The following HOXA4 variants were observed in gnomAD, a reference collection of about 807,000 sequenced individuals.
HOXA4 encodes the protein homeobox protein Hox-A4.
In HOXA4, 31 loss-of-function variants were observed where a neutral mutation model predicts 25.3. The ratio of observed to expected loss-of-function variants is 1.22; its 90% CI spans 0.92 to 1.65. The LOEUF is 1.65. Among genes scored for constraint, HOXA4 ranks in the 40% most tolerant of loss-of-function variants. The pLI, the probability that HOXA4 is intolerant of heterozygous loss-of-function variation, is 0.00. For synonymous variants in HOXA4, 225 were observed against 207.7 expected, an observed-to-expected ratio of 1.08 and a Z score of -0.72; for missense variants, 459 against 446.0, an observed-to-expected ratio of 1.03 and a Z score of -0.26.
chr7:27,128,993 G>T lies in HOXA4; in HGVS notation c.*232C>A. ...TCCACACCTGGCAGCCTTGTTTCGG[G>T]CCAGCAGGTTGTTCCACCAGCCAGC... On this transcript the variant is annotated 3_prime_UTR_variant, in exon 2 of 2. Coordinates refer to ENST00000360046, the MANE Select transcript of HOXA4 (RefSeq NM_002141.5). The T allele has an allele frequency of 1.7e-6, 1 of 586,962 alleles. No individual in the cohort carries two copies. Among genetic ancestry groups the T allele is most frequent in the South Asian group, 2.0e-5 (1 of 49,328 alleles). 36.4% of individuals were successfully genotyped at this position (586,962 alleles called of 1,614,324 possible). A position where few individuals can be genotyped will look rare whatever the true frequency, so the allele number is the denominator to read the frequency against.
chr7:27,130,293 G>T lies in HOXA4; in HGVS notation c.441C>A (p.Arg147=). The change falls in exon 1 of 2, where the codon CGC becomes CGA. Residue 147 remains arginine, a synonymous_variant. Coordinates refer to ENST00000360046, the MANE Select transcript of HOXA4 (RefSeq NM_002141.5). ...QPQLPPPLQP[R]AVPPAAPRRC... Reference sequence around the variant, plus strand: ...GCCGCGGGGCCGCTGGGGGCACGGCGCGAGGCTGCAGGGGCGGCGGCAGCT... The same window carrying T: ...GCCGCGGGGCCGCTGGGGGCACGGCTCGAGGCTGCAGGGGCGGCGGCAGCT... The T allele has an allele frequency of 9.1e-7, 1 of 1,095,302 alleles. No individual in the cohort carries two copies. Among genetic ancestry groups the T allele is most frequent in the Non-Finnish European group, 1.1e-6 (1 of 901,218 alleles). 67.8% of individuals were successfully genotyped at this position (1,095,302 alleles called of 1,614,324 possible).
chr7:27,130,604 G>A lies in HOXA4; in HGVS notation c.130C>T (p.Gln44Ter), dbSNP rs1785508239. Residue 44 changes from glutamine to a stop codon, truncating the protein, a stop_gained, in exon 1 of 2, where the codon CAG becomes TAG. Coordinates refer to ENST00000360046, the MANE Select transcript of HOXA4 (RefSeq NM_002141.5). LOFTEE classifies it high-confidence loss of function. ...GGPGGGPGYQ[Q>*]PPAPPTQHLP... ...TGCTGGGTCGGGGGCGCTGGGGGCT[G>A]CTGGTAGCCGGGGCCCCCGCCCGGG... The A allele has an allele frequency of 1.3e-6, 2 of 1,539,918 alleles. No homozygotes were observed. Among genetic ancestry groups the A allele is most frequent in the African/African-American group, 1.4e-5 (1 of 71,812 alleles).
Position 27,128,720 on chromosome 7 carries a change from G to T in HOXA4, c.*505C>A, listed in dbSNP as rs1785387290. The T allele has an allele frequency of 5.7e-6, 1 of 175,118 alleles. No homozygotes were observed. The highest frequency in any genetic ancestry group is 5.4e-5 in the Admixed American group (1 of 18,618). 10.8% of individuals were successfully genotyped at this position (175,118 alleles called of 1,614,324 possible). A position where few individuals can be genotyped will look rare whatever the true frequency, so the allele number is the denominator to read the frequency against. ...ACTAACATGTCACACCTACCATCAA[G>T]GTCTACACATCTTAAGAATTAAATA... On this transcript the variant is annotated 3_prime_UTR_variant, in exon 2 of 2. Transcript: ENST00000360046.
chr7:27,130,146 G>T lies in HOXA4; in HGVS notation c.588C>A (p.Pro196=). Reference sequence around the variant, plus strand: ...CGCTGACATGGATCTTCTTCATCCAGGGGTACACCACGGGCTCCTTGCCCT... The same window carrying T: ...CGCTGACATGGATCTTCTTCATCCATGGGTACACCACGGGCTCCTTGCCCT... ...GLKGKEPVVY[P]WMKKIHVSAV... The change falls in exon 1 of 2, where the codon CCC becomes CCA. Residue 196 remains proline (P), a synonymous_variant. Coordinates refer to ENST00000360046, the MANE Select transcript of HOXA4 (RefSeq NM_002141.5). The T allele has an allele frequency of 6.2e-7, 1 of 1,603,940 alleles. No individual in the cohort carries two copies.
In HOXA4 at chr7:27,130,757, T is replaced by C; in HGVS notation, c.-24A>G. The C allele has an allele frequency of 6.3e-7, 1 of 1,594,036 alleles. No homozygotes were observed. The highest frequency in any genetic ancestry group is 8.6e-7 in the Non-Finnish European group (1 of 1,169,172). ...ATTAATTTGTGAAGTGCAAAAATAC[T>C]AATTTTTCTCGCGTTGTCGTTTTTT... On this transcript the variant is annotated 5_prime_UTR_variant, in exon 1 of 2. Transcript: ENST00000360046.
rs1050271 is a variant in HOXA4 at position 27,130,662 on chromosome 7, C to A, written c.72G>T (p.Ala24=). The A allele has an allele frequency of 2.5e-6, 4 of 1,605,920 alleles. No homozygotes were observed. In the African/African-American group the frequency reaches 4.0e-5, roughly 16 times the overall value. Reference sequence around the variant, plus strand: ...CTGCGCCGCCCGAGCCGCTGTGCTGCGCGTACTCCTCGAAGGGAGGGAACT... The same window carrying A: ...CTGCGCCGCCCGAGCCGCTGTGCTGAGCGTACTCCTCGAAGGGAGGGAACT... ...EPKFPPFEEY[A]QHSGSGGADG... Residue 24 remains alanine, a synonymous_variant, in exon 1 of 2, where the codon GCG becomes GCT. Transcript: ENST00000360046.
rs769951292 is a variant in HOXA4 at position 27,129,456 on chromosome 7, GCGC to G, written c.729_731del (p.Arg245del). The G allele has an allele frequency of 6.2e-7, 1 of 1,614,210 alleles. No homozygotes were observed. Among genetic ancestry groups the G allele is most frequent in the Admixed American group, 1.7e-5 (1 of 60,028 alleles). ...AGAGCGTGTGGGCGATCTCGATGCG[GCGC>G]CGCCGGGTCAGGTATCGATTGAAGT... On this transcript the variant is annotated inframe_deletion, in exon 2 of 2. Coordinates refer to ENST00000360046, the MANE Select transcript of HOXA4 (RefSeq NM_002141.5).
chr7:27,128,911 G>A lies in HOXA4; in HGVS notation c.*314C>T. The A allele has an allele frequency of 2.4e-6, 1 of 409,484 alleles. No homozygotes were observed. The highest frequency in any genetic ancestry group is 4.5e-6 in the Non-Finnish European group (1 of 221,184). The allele number at this position is 409,484 out of a possible 1,614,324, so 25.4% of individuals were successfully genotyped here. A position where few individuals can be genotyped will look rare whatever the true frequency, so the allele number is the denominator to read the frequency against. ...GTCCCCACTCAGCATGGGCTGTCCA[G>A]CTAGCTGACTGTAGCCATCTCAAAA... is the stretch of plus-strand genomic sequence containing the variant. On this transcript the variant is annotated 3_prime_UTR_variant, in exon 2 of 2. Transcript: ENST00000360046.
chr7:27,129,365 T>G lies in HOXA4; in HGVS notation c.823A>C (p.Lys275Gln), dbSNP rs1277884800. The stretch of plus-strand genomic sequence containing the variant: ...GATCGCATCTTGGTGTTGGGCAGTT[T>G]GTGGTCTTTCTTCCACTTCATCCTC... The part of the protein sequence containing the change: ...NRRMKWKKDH[K>Q]LPNTKMRSSN... Residue 275 changes from lysine (K) to glutamine (Q), a missense_variant, in exon 2 of 2, where the codon AAA becomes CAA. Lys to Gln is a moderately conservative substitution (Grantham distance 53). Coordinates refer to ENST00000360046, the MANE Select transcript of HOXA4 (RefSeq NM_002141.5). 1.2e-6 allele frequency: 2 copies of G among 1,614,078 alleles called. No individual in the cohort carries two copies. Among genetic ancestry groups the G allele is most frequent in the South Asian group, 1.1e-5 (1 of 91,084 alleles).
rs368107858 is a variant in HOXA4, at chr7:27,129,375, C to A, written c.813G>T (p.Lys271Asn). Residue 271 changes from lysine to asparagine, a missense_variant, in exon 2 of 2, where the codon AAG becomes AAT. Coordinates refer to ENST00000360046, the MANE Select transcript of HOXA4 (RefSeq NM_002141.5). The part of the protein sequence containing the change: ...IWFQNRRMKW[K>N]KDHKLPNTKM... The stretch of plus-strand genomic sequence containing the variant: ...TGGTGTTGGGCAGTTTGTGGTCTTT[C>A]TTCCACTTCATCCTCCGGTTCTGAA... 2.5e-6 allele frequency: 4 copies of A among 1,614,050 alleles called. No homozygotes were observed. The highest frequency in any genetic ancestry group is 3.4e-6 in the Non-Finnish European group (4 of 1,180,058).
At chr7:27,130,090 C>A in intron 1 of HOXA4, 28 bp downstream of exon 1, 1 of 1,575,070 alleles carries the variant, frequency 6.3e-7, no homozygotes, top group Non-Finnish European at 8.6e-7. Context: ...CGGCCCACCT[C>A]CCGCGCCTCC....
rs1324118880 is a variant in HOXA4, at chr7:27,130,542, G to A, written c.192C>T (p.Gly64=). Residue 64 remains glycine (G), a synonymous_variant, in exon 1 of 2, where the codon GGC becomes GGT. Coordinates refer to ENST00000360046, the MANE Select transcript of HOXA4 (RefSeq NM_002141.5). ...AGGAGGCAGTGGGCTCTCGGCCGCC[G>A]CCCGCGTGAGGGAGCTGGGGCTGCT... ...PLQQPQLPHA[G]GGREPTASYY... 2.9e-6 allele frequency: 4 copies of A among 1,374,858 alleles called. No individual in the cohort carries two copies. In the Admixed American group the frequency reaches 9.4e-5, roughly 32 times the overall value. The allele number at this position is 1,374,858 out of a possible 1,614,324, so 85.2% of individuals were successfully genotyped here.
Position 27,129,443 on chromosome 7 carries a change from C to T in HOXA4, c.745G>A (p.Ala249Thr), listed in dbSNP as rs577912292. Residue 249 changes from alanine to threonine, a missense_variant, in exon 2 of 2, where the codon GCC (alanine) becomes ACC (threonine). Transcript: ENST00000360046. ...CGCTCAGACAAACAGAGCGTGTGGG[C>T]GATCTCGATGCGGCGCCGCCGGGTC... ...YLTRRRRIEIAHTLCLSERQV... is the reference protein window; with the variant it reads ...YLTRRRRIEITHTLCLSERQV... 1.2e-6 allele frequency: 2 copies of T among 1,614,074 alleles called. No individual in the cohort carries two copies. Among genetic ancestry groups the T allele is most frequent in the African/African-American group, 2.7e-5 (2 of 75,004 alleles).
Position 27,129,551 on chromosome 7 carries a change from C to T in HOXA4, c.637G>A (p.Gly213Arg), listed in dbSNP as rs562987465. 1.4e-4 allele frequency: 230 copies of T among 1,613,692 alleles called. 1 individual carries two copies. In the South Asian group the frequency reaches 2.4e-3, roughly 17 times the overall value. The change falls in exon 2 of 2, where the codon GGG becomes AGG. Residue 213 changes from glycine (G) to arginine (R), a missense_variant. Physicochemically the swap from Gly to Arg is moderately radical, Grantham distance 125. Transcript: ENST00000360046. ...VSAVNPSYNG[G>R]EPKRSRTAYT... is the part of the protein sequence containing the mutation. ...GCGGTTCGAGAGCGCTTAGGCTCCC[C>T]TCCGTTATAACTGGGGTTAACTGAA... is the stretch of plus-strand genomic sequence containing the variant.
chr7:27,130,416 G>A lies in HOXA4; in HGVS notation c.318C>T (p.Gly106=), dbSNP rs747276340. Residue 106 remains glycine (G), a synonymous_variant, in exon 1 of 2, where the codon GGC becomes GGT. Transcript: ENST00000360046. ...ADTAYPYGYR[G]GASPGRPPQP... ...GGGGCGGCCGCCCGGGGCTGGCGCC[G>A]CCGCGGTAGCCATAGGGGTAGGCGG... The A allele has an allele frequency of 1.0e-4, 118 of 1,174,304 alleles. No individual in the cohort carries two copies. The highest frequency in any genetic ancestry group is 1.2e-4 in the Non-Finnish European group (117 of 951,942). 72.7% of individuals were successfully genotyped at this position (1,174,304 alleles called of 1,614,324 possible).
rs1785474274 is a variant in HOXA4 at position 27,130,292 on chromosome 7, C to T, written c.442G>A (p.Ala148Thr). Reference protein sequence around the residue: ...PQLPPPLQPRAVPPAAPRRCE... With the variant: ...PQLPPPLQPRTVPPAAPRRCE... ...CGCCGCGGGGCCGCTGGGGGCACGG[C>T]GCGAGGCTGCAGGGGCGGCGGCAGC... Residue 148 changes from alanine to threonine, a missense_variant, in exon 1 of 2, where the codon GCC (alanine) becomes ACC (threonine). Transcript: ENST00000360046. 5 of 1,094,046 alleles carry T rather than the reference C, an allele frequency of 4.6e-6. No individual in the cohort carries two copies. The highest frequency in any genetic ancestry group is 5.6e-6 in the Non-Finnish European group (5 of 900,572). 67.8% of individuals were successfully genotyped at this position (1,094,046 alleles called of 1,614,324 possible).
rs1418021571 is a variant in HOXA4 at position 27,129,315 on chromosome 7, G to A, written c.873C>T (p.Ala291=). Residue 291 remains alanine, a synonymous_variant, in exon 2 of 2, where the codon GCC becomes GCT. Transcript: ENST00000360046. ...GAGTTTGTGCTTTCCCTGGTGGGCC[G>A]GCAGAGGCCGAGGCCGAATTGGAGG... ...MRSSNSASAS[A]GPPGKAQTQS... 1 of 1,614,154 alleles carries A rather than the reference G, an allele frequency of 6.2e-7. No individual in the cohort carries two copies. The highest frequency in any genetic ancestry group is 1.7e-5 in the Admixed American group (1 of 60,022).
rs1785508121 is a variant in HOXA4, at chr7:27,130,602, C to G, written c.132G>C (p.Gln44His). 6 of 1,537,892 alleles carry G rather than the reference C, an allele frequency of 3.9e-6. No homozygotes were observed. The highest frequency in any genetic ancestry group is 1.4e-5 in the African/African-American group (1 of 71,698). Residue 44 changes from glutamine to histidine, a missense_variant, in exon 1 of 2, where the codon CAG (glutamine) becomes CAC (histidine). Coordinates refer to ENST00000360046, the MANE Select transcript of HOXA4 (RefSeq NM_002141.5). ...GGPGGGPGYQ[Q>H]PPAPPTQHLP... ...GGTGCTGGGTCGGGGGCGCTGGGGG[C>G]TGCTGGTAGCCGGGGCCCCCGCCCG... is the stretch of plus-strand genomic sequence containing the variant.
rs1374255975 is a variant in HOXA4 at position 27,130,374 on chromosome 7, C to T, written c.360G>A (p.Pro120=). The change falls in exon 1 of 2, where the codon CCG becomes CCA. Residue 120 remains proline, a synonymous_variant. Transcript: ENST00000360046. The part of the protein sequence containing the change: ...PGRPPQPEQP[P]AQAKGPAHGL... ...CGTGCGCTGGGCCCTTGGCTTGCGCCGGGGGCTGCTCGGGCTGGGGCGGCC... is the reference window on the plus strand; with the variant it reads ...CGTGCGCTGGGCCCTTGGCTTGCGCTGGGGGCTGCTCGGGCTGGGGCGGCC... 2.6e-6 allele frequency: 3 copies of T among 1,144,564 alleles called. No homozygotes were observed. The highest frequency in any genetic ancestry group is 3.3e-5 in the African/African-American group (2 of 60,166). 70.9% of individuals were successfully genotyped at this position (1,144,564 alleles called of 1,614,324 possible).
Sources: gnomAD v4.1 joint callset for allele counts on GRCh38, gnomAD v4.1.1 for gene constraint, MANE v1.5 for transcripts, NCBI Gene and HGNC (gene_info 2026-07-23, HGNC 2026-07-21) for gene names.